The following PPTC7 variants were observed in gnomAD, a reference collection of about 807,000 sequenced individuals.
The protein encoded by PPTC7 is protein phosphatase PTC7 homolog.
A neutral mutation model predicts 30.8 loss-of-function variants in PPTC7; 6 were observed. That is an observed-to-expected ratio of 0.19 (90% CI 0.11 to 0.38). PPTC7 has a LOEUF of 0.38. PPTC7 is among the 10% of genes least tolerant of loss of function. The pLI, the probability that PPTC7 is intolerant of heterozygous loss-of-function variation, is 1.00. For missense variants in PPTC7, 218 were observed against 404.8 expected (o/e 0.54, Z 3.96); for synonymous variants, 163 against 168.1 (o/e 0.97, Z 0.23).
chr12:110,533,412 T>A lies in PPTC7; in HGVS notation c.*3625A>T, dbSNP rs2064184603. On this transcript the variant is annotated 3_prime_UTR_variant, in exon 6 of 6. Transcript: ENST00000354300. ...ACAGAAAAAAAGCAGCTCATTAGTA[T>A]ACACACAGATTCTAATTTGCTTCAT... The A allele has an allele frequency of 6.6e-6, 1 of 152,212 alleles. No individual in the cohort carries two copies. Among genetic ancestry groups the A allele is most frequent in the Admixed American group, 6.5e-5 (1 of 15,278 alleles). The allele number at this position is 152,212 out of a possible 1,614,324, so 9.4% of individuals were successfully genotyped here.
At chr12:110,578,948 C>A (rs1181582223) in intron 1 of PPTC7, among the ~76,000 whole-genome samples, 1 of 152,088 alleles carries the variant, frequency 6.6e-6, no homozygotes, top group Non-Finnish European at 1.5e-5. Flanking sequence ...GAGTTCGACA[C>A]CAGCCTAGGC....
chr12:110,539,703 C>T, intron 4 of PPTC7, 119 bp downstream of exon 4: 1 of 930,812 alleles, frequency 1.1e-6, no homozygotes, highest in African/African-American at 1.7e-5. Context: ...TTATTATTTT[C>T]CTGAAATTCA....
At chr12:110,561,395 C>T (rs944904191) in intron 1 of PPTC7, among the ~76,000 whole-genome samples, 1 of 152,054 alleles carries the variant, frequency 6.6e-6, no homozygotes, top group Non-Finnish European at 1.5e-5. Flanking sequence ...GTCACTGCAA[C>T]CTTCGCCTCC....
intron 1 of PPTC7, among the ~76,000 whole-genome samples, chr12:110,579,970 G>A (rs969117349): frequency 6.6e-6 from 1 of 151,516 alleles, no homozygotes; most frequent in Non-Finnish European, 1.5e-5. Flanking sequence ...CCGAGATGGC[G>A]CCATTGCACT....
At chr12:110,546,979 C>T (rs187962139) in intron 2 of PPTC7, among the ~76,000 whole-genome samples, 99 of 152,000 alleles carry the variant, frequency 6.5e-4, no homozygotes, top group African/African-American at 2.0e-3. Context: ...AACATGCCCA[C>T]TGCACAGAAC....
Position 110,551,889 on chromosome 12 carries a change from A to G in PPTC7, c.303T>C (p.Cys101=). Residue 101 remains cysteine (C), a synonymous_variant, in exon 2 of 6, where the codon TGT becomes TGC. Transcript: ENST00000354300. ...SQFSGTLMRT[C]ERLVKEGRFV... ...ACCGTCCTTCTTTTACTAAACGTTC[A>G]CACGTCCGCATTAAAGTCCCTGAGA... is the stretch of plus-strand genomic sequence containing the variant. 1.9e-6 allele frequency: 3 copies of G among 1,614,102 alleles called. No individual in the cohort carries two copies. Among genetic ancestry groups the G allele is most frequent in the Non-Finnish European group, 2.5e-6 (3 of 1,179,964 alleles).
rs1444673214 is a variant in PPTC7 at position 110,536,258 on chromosome 12, A to G, written c.*779T>C. On this transcript the variant is annotated 3_prime_UTR_variant, in exon 6 of 6. Coordinates refer to ENST00000354300, the MANE Select transcript of PPTC7 (RefSeq NM_139283.2). The stretch of plus-strand genomic sequence containing the variant: ...TTTGAGGGGTTTTACAACCTTGAGT[A>G]TTATTTCCATAAAAAAATACTGGTA... 6.6e-6 allele frequency: 1 copy of G among 152,220 alleles called. No individual in the cohort carries two copies. The highest frequency in any genetic ancestry group is 1.5e-5 in the Non-Finnish European group (1 of 68,042). The allele number at this position is 152,220 out of a possible 1,614,324, so 9.4% of individuals were successfully genotyped here.
Position 110,582,929 on chromosome 12 carries a change from C to G in PPTC7, c.103G>C (p.Gly35Arg). ...RAGGGGGGDY[G>R]LVTAGCGFGK... is the part of the protein sequence containing the mutation. Reference sequence around the variant, plus strand: ...AAGCCGCAGCCGGCCGTCACCAGTCCGTAGTCGCCGCCGCCGCCGCCGCCG... The same window carrying G: ...AAGCCGCAGCCGGCCGTCACCAGTCGGTAGTCGCCGCCGCCGCCGCCGCCG... The change falls in exon 1 of 6, where the codon GGA becomes CGA. Residue 35 changes from glycine (G) to arginine (R), a missense_variant. Coordinates refer to ENST00000354300, the MANE Select transcript of PPTC7 (RefSeq NM_139283.2). 1.9e-6 allele frequency: 3 copies of G among 1,547,556 alleles called. No homozygotes were observed. Among genetic ancestry groups the G allele is most frequent in the Non-Finnish European group, 2.6e-6 (3 of 1,146,114 alleles).
chr12:110,561,313 T>C (rs1027716600), intron 1 of PPTC7, among the ~76,000 whole-genome samples: 8 of 152,130 alleles, frequency 5.3e-5, no homozygotes, highest in African/African-American at 9.7e-5. Context: ...TTTCTTTTTT[T>C]TTTCTTTCTT....
chr12:110,576,465 C>T (rs879829630), intron 1 of PPTC7, among the ~76,000 whole-genome samples: 1 of 152,100 alleles, frequency 6.6e-6, no homozygotes, highest in Non-Finnish European at 1.5e-5. Flanking sequence ...AAAGTAGAAA[C>T]AACTCGATGG....
At chr12:110,565,732 G>A (rs151309223) in intron 1 of PPTC7, among the ~76,000 whole-genome samples, 1 of 152,208 alleles carries the variant, frequency 6.6e-6, no homozygotes, top group Non-Finnish European at 1.5e-5. Flanking sequence ...GGGAGCTAAA[G>A]ATTTATATGT....
rs377082561 is a variant in PPTC7 at position 110,540,321 on chromosome 12, C to CCTT, written c.603-377_603-376insAAG. 7.9e-3 allele frequency among the ~76,000 whole-genome samples: 825 copies of CCTT among 104,964 alleles called. 11 individuals are homozygous for CCTT. Among genetic ancestry groups the CCTT allele is most frequent in the Non-Finnish European group, 0.011 (602 of 54,736 alleles). The allele number at this position is 104,964 out of a possible 152,430, so 68.9% of individuals were successfully genotyped here. On this transcript the variant is annotated intron_variant, in intron 3 of 5. Coordinates refer to ENST00000354300, the MANE Select transcript of PPTC7 (RefSeq NM_139283.2). Reference sequence around the variant, plus strand: ...ACAGCCGAATTCCATCCCCCCCCGCCTTTTTTTTTTTTTTTTTTGGAGACA... The same window carrying CCTT: ...ACAGCCGAATTCCATCCCCCCCCGCCCTTTTTTTTTTTTTTTTTTTTGGAGACA...
At chr12:110,560,163 G>A (rs2064426700) in intron 1 of PPTC7, among the ~76,000 whole-genome samples, 1 of 152,162 alleles carries the variant, frequency 6.6e-6, no homozygotes, top group African/African-American at 2.4e-5. Flanking sequence ...ATATTGGGAG[G>A]CTGAGGTAGG....
chr12:110,549,628 C>A (rs921735527), intron 2 of PPTC7, among the ~76,000 whole-genome samples: 1 of 152,008 alleles, frequency 6.6e-6, no homozygotes, highest in African/African-American at 2.4e-5. Context: ...ATTATTTTCT[C>A]TAATATTAAA....
chr12:110,544,195 G>A (rs920965484), intron 3 of PPTC7, among the ~76,000 whole-genome samples: 10 of 152,042 alleles, frequency 6.6e-5, no homozygotes, highest in African/African-American at 1.7e-4. Context: ...GACTTTTACC[G>A]GTAAAAGTTA....
At chr12:110,550,591 A>C (rs1247560380) in intron 2 of PPTC7, among the ~76,000 whole-genome samples, 1 of 152,110 alleles carries the variant, frequency 6.6e-6, no homozygotes, top group Admixed American at 6.6e-5. Flanking sequence ...GTAACTAGAA[A>C]GATGCTGGCT....
intron 1 of PPTC7, among the ~76,000 whole-genome samples, chr12:110,576,363 A>G (rs2064588941): frequency 6.6e-6 from 1 of 152,164 alleles, no homozygotes; most frequent in South Asian, 2.1e-4. Context: ...TGACCCAGCA[A>G]TTCTACTCCT....
At chr12:110,539,624 A>C (rs2135758829) in intron 4 of PPTC7, among the ~76,000 whole-genome samples, 198 bp downstream of exon 4, 1 of 152,330 alleles carries the variant, frequency 6.6e-6, no homozygotes, top group Middle Eastern at 3.4e-3. Context: ...TACTTCTACC[A>C]GCCTATGAAA....
intron 1 of PPTC7, among the ~76,000 whole-genome samples, chr12:110,581,640 T>C (rs553319995): frequency 3.3e-4 from 50 of 152,314 alleles, no homozygotes; most frequent in African/African-American, 1.2e-3. Context: ...TAAATTAAAC[T>C]GAGAACAACC....
Sources: gnomAD v4.1 joint callset for allele counts (sites outside exome capture counted in the v4.1 genomes callset) on GRCh38, gnomAD v4.1.1 for gene constraint, MANE v1.5 for transcripts, NCBI Gene and HGNC (gene_info 2026-07-23, HGNC 2026-07-21) for gene names.